The following WNT5B variants were observed in gnomAD, a reference collection of about 807,000 sequenced individuals.
WNT5B encodes the protein protein Wnt-5b.
Under a neutral mutation model 36.5 loss-of-function variants are expected in WNT5B, and 18 were observed. The ratio of observed to expected loss-of-function variants is 0.49; its 90% confidence interval spans 0.34 to 0.73. WNT5B has a LOEUF of 0.73. WNT5B is among the 30% of genes least tolerant of loss of function. The pLI is 0.01. For missense variants in WNT5B, 424 were observed against 508.4 expected (o/e 0.83, Z 1.60); for synonymous variants, 213 against 212.3 (o/e 1.00, Z -0.03).
upstream of WNT5B, among the ~76,000 whole-genome samples, chr12:1,626,797 C>A (rs1369649554): frequency 6.6e-6 from 1 of 150,772 alleles, no homozygotes; most frequent in Non-Finnish European, 1.5e-5. Flanking sequence ...GATCTCCTGA[C>A]CTCATGATCT....
rs544126956 is a variant in WNT5B, at chr12:1,624,221, A to T, written c.-57-7077A>T. The stretch of plus-strand genomic sequence containing the variant: ...GGCCAACATGATGAAACCCATCTCT[A>T]CTAAAAATGCAAAAATTAGCCGGTC... On this transcript the variant is annotated intron_variant, in intron 1 of 4. Transcript: ENST00000310594. Among the ~76,000 whole-genome samples the T allele has an allele frequency of 7.2e-5, 11 of 152,162 alleles. No individual in the cohort carries two copies. The South Asian group carries it at 2.1e-3, about 29-fold the overall frequency.
chr12:1,617,067 AT>A (rs1199900119), exon 1 of WNT5B: 2 of 152,172 alleles, frequency 1.3e-5, no homozygotes, highest in Non-Finnish European at 2.9e-5. Flanking sequence ...ATTCTTCCAA[AT>A]GGAAACTGCT....
At chr12:1,634,339 CAG>C (rs1236827488) in intron 3 of WNT5B, among the ~76,000 whole-genome samples, 3 of 152,226 alleles carry the variant, frequency 2.0e-5, no homozygotes, top group Non-Finnish European at 4.4e-5. Flanking sequence ...GGCCCAGGTG[CAG>C]AGTCTCCTCT....
intron 3 of WNT5B, among the ~76,000 whole-genome samples, chr12:1,639,230 C>CTG (rs2094568356): frequency 6.6e-6 from 1 of 150,882 alleles, no homozygotes; most frequent in Non-Finnish European, 1.5e-5. Context: ...CTCCGCCTCC[C>CTG]GGGTTCACGC....
At position 1,633,240 on chromosome 12, in the gene WNT5B, G is replaced by A. The variant is rs74806445; in HGVS notation, c.328+335G>A. Among the ~76,000 whole-genome samples the A allele has an allele frequency of 0.012, 1,894 of 152,254 alleles. 33 individuals carry two copies. The highest frequency in any genetic ancestry group is 0.043 in the African/African-American group (1,783 of 41,516). ...TGACTTAGAGTGGATTAGGAGAGCCGCCCACCGCCACTGCCTTTGTGTCTC... is the reference window on the plus strand; with the variant it reads ...TGACTTAGAGTGGATTAGGAGAGCCACCCACCGCCACTGCCTTTGTGTCTC... On this transcript the variant is annotated intron_variant, in intron 3 of 4. Transcript: ENST00000397196. The surrounding 1 kb of genome is among the most constrained non-coding windows in gnomAD (Gnocchi z 4.8).
At chr12:1,641,647 A>G (rs531266915) in intron 4 of WNT5B, among the ~76,000 whole-genome samples, 17 of 151,934 alleles carry the variant, frequency 1.1e-4, no homozygotes, top group Middle Eastern at 6.8e-3. Flanking sequence ...TAGTAAAAAT[A>G]CAAAAAGTTA....
At chr12:1,626,351 C>T (rs1479233139), upstream of WNT5B, among the ~76,000 whole-genome samples, 1 of 151,642 alleles carries the variant, frequency 6.6e-6, no homozygotes, top group Non-Finnish European at 1.5e-5. Context: ...GCAACCTCCA[C>T]CTCCCGAGTT....
At chr12:1,641,227 A>G (rs901071906) in intron 4 of WNT5B, among the ~76,000 whole-genome samples, 8 of 151,960 alleles carry the variant, frequency 5.3e-5, no homozygotes, top group African/African-American at 1.7e-4. Context: ...TCTACTAAAA[A>G]TACAAAAAAT....
intron 1 of WNT5B, among the ~76,000 whole-genome samples, chr12:1,617,403 G>A (rs890664234): frequency 6.6e-6 from 1 of 152,010 alleles, no homozygotes; most frequent in Non-Finnish European, 1.5e-5. Flanking sequence ...GGGAGGCTGA[G>A]GCAGGTGGAT....
chr12:1,624,377 C>CAA (rs34209948), upstream of WNT5B, among the ~76,000 whole-genome samples: 264 of 77,948 alleles, frequency 3.4e-3, no homozygotes, highest in Middle Eastern at 7.6e-3. Flanking sequence ...GACTCTGTCT[C>CAA]AAAAAAAAAA....
At chr12:1,617,529 C>G (rs2094528483) in intron 1 of WNT5B, among the ~76,000 whole-genome samples, 1 of 151,892 alleles carries the variant, frequency 6.6e-6, no homozygotes, top group African/African-American at 2.4e-5. Flanking sequence ...ACTCAGGATG[C>G]TGAGGTAGGA....
rs1226734747 is a variant in WNT5B at position 1,634,299 on chromosome 12, G to A, written c.328+1394G>A. Among the ~76,000 whole-genome samples the A allele has an allele frequency of 2.2e-4, 33 of 152,180 alleles. 1 individual carries two copies. The highest frequency in any genetic ancestry group is 2.2e-3 in the Admixed American group (33 of 15,280). ...GGCGAAAATCTTGGCAGCACTTCCT[G>A]CCCTGCGTTTTGGGCAATGAAACTA... On this transcript the variant is annotated intron_variant, in intron 3 of 4. Coordinates refer to ENST00000397196, the MANE Select transcript of WNT5B (RefSeq NM_032642.3).
intron 4 of WNT5B, among the ~76,000 whole-genome samples, chr12:1,642,273 T>C (rs1315239123): frequency 6.6e-6 from 1 of 152,162 alleles, no homozygotes; most frequent in African/African-American, 2.4e-5. Flanking sequence ...GAGATGTCAA[T>C]GAAGGGGTTA....
Position 1,646,096 on chromosome 12 carries a change from G to A in WNT5B, c.924G>A (p.Ser308=), listed in dbSNP as rs139412109. ...AGGGCCGCCTCTGCAACAAGACCTC[G>A]GAGGGCATGGATGGCTGTGAGCTCA... is the stretch of plus-strand genomic sequence containing the variant. ...GTQGRLCNKT[S]EGMDGCELMC... Residue 308 remains serine, a synonymous_variant, in exon 5 of 5, where the codon TCG becomes TCA. Transcript: ENST00000397196. 9.2e-5 allele frequency: 148 copies of A among 1,613,996 alleles called. No homozygotes were observed. The highest frequency in any genetic ancestry group is 2.5e-4 in the African/African-American group (19 of 75,066).
chr12:1,628,932 T>C (rs2094545023), upstream of WNT5B, among the ~76,000 whole-genome samples: 1 of 151,938 alleles, frequency 6.6e-6, no homozygotes, highest in Non-Finnish European at 1.5e-5. Flanking sequence ...TGTGTGTGTG[T>C]GTGCACGCGC....
chr12:1,639,481 G>A (rs985802937), intron 3 of WNT5B, among the ~76,000 whole-genome samples: 3 of 152,080 alleles, frequency 2.0e-5, no homozygotes, highest in Non-Finnish European at 4.4e-5. Flanking sequence ...CTGAGCTGGG[G>A]CCCAGCGGCG....
upstream of WNT5B, among the ~76,000 whole-genome samples, chr12:1,628,893 G>A (rs1339668544): frequency 6.6e-6 from 1 of 152,086 alleles, no homozygotes; most frequent in Non-Finnish European, 1.5e-5. Flanking sequence ...AGGACAGAGA[G>A]CGTCCTGAGG....
At chr12:1,626,294 A>G (rs1592519207), upstream of WNT5B, among the ~76,000 whole-genome samples, 1 of 144,646 alleles carries the variant, frequency 6.9e-6, no homozygotes, top group East Asian at 2.1e-4. Context: ...ACAGAGTTTC[A>G]CTCTTGTTGC....
chr12:1,620,924 ATC>A (rs775774102), intron 1 of WNT5B, among the ~76,000 whole-genome samples: 31 of 11,364 alleles, frequency 2.7e-3, no homozygotes, highest in Non-Finnish European at 5.4e-3. Flanking sequence ...GATAGTCTTG[ATC>A]TCTTGACCTC....
Sources: allele counts gnomAD v4.1 joint callset (sites outside exome capture counted in the v4.1 genomes callset), GRCh38; gene constraint gnomAD v4.1.1; non-coding constraint Gnocchi (gnomAD v3.1); transcripts MANE v1.5; gene names NCBI Gene and HGNC (gene_info 2026-07-23, HGNC 2026-07-21).